UBE2B: variants seen among roughly 807,000 people sequenced by gnomAD.
UBE2B encodes ubiquitin-conjugating enzyme E2 B.
Under a neutral mutation model 24.6 loss-of-function variants are expected in UBE2B, and 11 were observed. The observed-to-expected ratio is 0.45, with a 90% confidence interval of 0.28 to 0.74. The LOEUF (loss-of-function observed/expected upper bound fraction) is 0.74, where lower values mean the gene tolerates loss of function less well. Among genes scored for constraint, UBE2B ranks in the 30% least tolerant of loss-of-function variants. The pLI, the probability that UBE2B is intolerant of heterozygous loss-of-function variation, is 0.13. For synonymous variants in UBE2B, 68 were observed against 62.4 expected, an observed-to-expected ratio of 1.09 and a Z score of -0.42; for missense variants, 78 against 185.6, an observed-to-expected ratio of 0.42 and a Z score of 3.37.
At chr5:134,374,347 T>TAA in intron 1 of UBE2B, 36 bp from the exon 2 acceptor site, 1 of 1,550,210 alleles carries the variant, frequency 6.5e-7, no homozygotes. Flanking sequence ...GTGGCCTTAA[T>TAA]GTTCAACTTT....
intron 5 of UBE2B, chr5:134,389,200 A>AG: frequency 5.9e-6 from 1 of 170,088 alleles, no homozygotes; most frequent in Admixed American, 6.0e-5. Context: ...CGCCCGTCTG[A>AG]GCCTCCGAAA....
intron 4 of UBE2B, among the ~76,000 whole-genome samples, chr5:134,384,074 C>A (rs957701331): frequency 2.0e-5 from 3 of 152,096 alleles, no homozygotes; most frequent in Admixed American, 2.0e-4. Flanking sequence ...TATAAATTAC[C>A]ATGTGAAAGA....
intron 4 of UBE2B, 127 bp downstream of exon 4, chr5:134,380,935 A>T: frequency 1.6e-5 from 6 of 376,044 alleles, no homozygotes; most frequent in East Asian, 5.6e-5. Context: ...TGTCCATGTG[A>T]GCCACGTATT....
chr5:134,374,150 A>T (rs551745168), intron 1 of UBE2B, among the ~76,000 whole-genome samples: 1 of 152,336 alleles, frequency 6.6e-6, no homozygotes, highest in African/African-American at 2.4e-5. Context: ...ATAATATTGA[A>T]AGAGGGATGA....
intron 4 of UBE2B, among the ~76,000 whole-genome samples, chr5:134,387,008 G>A (rs947251766): frequency 2.7e-5 from 4 of 150,598 alleles, no homozygotes; most frequent in Non-Finnish European, 5.9e-5. Context: ...CGCCCAGGCT[G>A]GAGTGCAGTG....
intron 2 of UBE2B, among the ~76,000 whole-genome samples, chr5:134,375,312 C>T (rs1758579104): frequency 6.6e-6 from 1 of 152,076 alleles, no homozygotes; most frequent in South Asian, 2.1e-4. Context: ...TTAAAATTTC[C>T]TTATGCTTTT....
intron 4 of UBE2B, among the ~76,000 whole-genome samples, chr5:134,385,194 A>C (rs1409130041): frequency 6.6e-6 from 1 of 152,172 alleles, no homozygotes; most frequent in East Asian, 1.9e-4. Context: ...CAGAGTTACT[A>C]ATTTTTGCTT....
chr5:134,376,758 C>A, intron 3 of UBE2B, 64 bp downstream of exon 3: 1 of 1,481,480 alleles, frequency 6.8e-7, no homozygotes, highest in South Asian at 1.3e-5. Flanking sequence ...AAAATTGTAA[C>A]ACCAACATAT....
At chr5:134,386,124 C>T (rs1001367629) in intron 4 of UBE2B, among the ~76,000 whole-genome samples, 2 of 151,632 alleles carry the variant, frequency 1.3e-5, no homozygotes, top group East Asian at 1.9e-4. Context: ...GTCAGGAATT[C>T]GAGACTAGCC....
chr5:134,378,648 G>T (rs1206983726), intron 3 of UBE2B, among the ~76,000 whole-genome samples: 2 of 151,856 alleles, frequency 1.3e-5, no homozygotes, highest in Non-Finnish European at 2.9e-5. Flanking sequence ...TGGAAGAAAA[G>T]CACTTCTACA....
At chr5:134,379,556 G>A (rs1758669798) in intron 3 of UBE2B, among the ~76,000 whole-genome samples, 1 of 148,796 alleles carries the variant, frequency 6.7e-6, no homozygotes, top group African/African-American at 2.5e-5. Context: ...TGAGGCAGGA[G>A]AATTGCTTGA....
chr5:134,373,831 T>A (rs577766290), intron 1 of UBE2B, among the ~76,000 whole-genome samples: 2,471 of 152,362 alleles, frequency 0.016, 26 homozygotes, highest in Non-Finnish European at 0.025. Flanking sequence ...TTTTTATGGC[T>A]GCATAGTATT....
intron 4 of UBE2B, among the ~76,000 whole-genome samples, chr5:134,383,466 T>TA (rs1205165511): frequency 6.6e-5 from 9 of 136,586 alleles, no homozygotes; most frequent in Middle Eastern, 3.8e-3. Context: ...TGTGCCACCA[T>TA]ACCCAGCTTT....
At chr5:134,372,965 A>ATAG (rs1350647862) in intron 1 of UBE2B, among the ~76,000 whole-genome samples, 2 of 152,230 alleles carry the variant, frequency 1.3e-5, no homozygotes, top group African/African-American at 4.8e-5. Flanking sequence ...ACAAATTCAG[A>ATAG]TAGTAAACTA....
At chr5:134,375,453 A>G (rs1445227839) in intron 2 of UBE2B, among the ~76,000 whole-genome samples, 4 of 152,188 alleles carry the variant, frequency 2.6e-5, no homozygotes, top group African/African-American at 9.7e-5. Context: ...AAGAGTCTAC[A>G]TTTAAAGACT....
At chr5:134,371,740 G>C (rs1348645724) in intron 1 of UBE2B, 101 bp downstream of exon 1, 1 of 1,528,760 alleles carries the variant, frequency 6.5e-7, no homozygotes, top group East Asian at 2.3e-5. Context: ...TCAGAGGGCC[G>C]GCTGTGGGCC....
At position 134,390,469 on chromosome 5, in the gene UBE2B, A is replaced by G. The variant is rs1165305543; in HGVS notation, c.*116A>G. On this transcript the variant is annotated 3_prime_UTR_variant, in exon 6 of 6. Coordinates refer to ENST00000265339, the MANE Select transcript of UBE2B (RefSeq NM_003337.4). This position sits in a 1 kb window ranked among gnomAD's most constrained non-coding sequence, Gnocchi z 4.6. ...TTAAGGATTCTGCAGAAAAAAAAGA[A>G]AAAAGTCCTTCAGTTTAGAACCTAC... 3.8e-6 allele frequency: 5 copies of G among 1,327,420 alleles called. No individual in the cohort carries two copies. The highest frequency in any genetic ancestry group is 2.1e-6 in the Non-Finnish European group (2 of 955,974). 82.2% of individuals were successfully genotyped at this position (1,327,420 alleles called of 1,614,324 possible). A position where few individuals can be genotyped will look rare whatever the true frequency, so the allele number is the denominator to read the frequency against.
intron 2 of UBE2B, 29 bp downstream of exon 2, chr5:134,374,492 G>A (rs368337147): frequency 1.3e-6 from 2 of 1,547,698 alleles, no homozygotes; most frequent in Non-Finnish European, 1.7e-6. Context: ...CAAATAATAG[G>A]TGTGTGCTGA....
Position 134,390,694 on chromosome 5 carries a change from G to T in UBE2B, c.*341G>T. 3.9e-6 allele frequency: 1 copy of T among 255,130 alleles called. No homozygotes were observed. The allele number at this position is 255,130 out of a possible 1,614,324, so 15.8% of individuals were successfully genotyped here. ...GAATGCCTTATTTTTGAATTCTTTA[G>T]ATTTTTAAATTGGAGAAAAGCACTT... On this transcript the variant is annotated 3_prime_UTR_variant, in exon 6 of 6. Transcript: ENST00000265339. The surrounding 1 kb of genome is among the most constrained non-coding windows in gnomAD (Gnocchi z 4.6).
Sources: gnomAD v4.1 joint callset for allele counts (sites outside exome capture counted in the v4.1 genomes callset) on GRCh38, gnomAD v4.1.1 for gene constraint, Gnocchi (gnomAD v3.1) non-coding constraint, MANE v1.5 for transcripts, NCBI Gene and HGNC (gene_info 2026-07-23, HGNC 2026-07-21) for gene names.